The following FKBP15 variants were observed in gnomAD, a reference collection of about 807,000 sequenced individuals.
FKBP15 encodes the protein FK506-binding protein 15.
In FKBP15, 106 loss-of-function variants were observed where a neutral mutation model predicts 158.1. The observed-to-expected ratio is 0.67, with a 90% CI of 0.57 to 0.79. FKBP15 has a LOEUF of 0.79. FKBP15 is among the 30% of genes least tolerant of loss of function. The pLI, the probability that FKBP15 is intolerant of heterozygous loss-of-function variation, is 0.00. For synonymous variants in FKBP15, 547 were observed against 548.6 expected, an observed-to-expected ratio of 1.00 and a Z score of 0.04; for missense variants, 1,287 against 1,479.1, an observed-to-expected ratio of 0.87 and a Z score of 2.13.
chr9:113,187,456 C>G (rs536263542), intron 14 of FKBP15: 29 of 229,286 alleles, frequency 1.3e-4, no homozygotes, highest in Non-Finnish European at 1.1e-4. Flanking sequence ...AGAATGTTAG[C>G]CTGCCAACTT....
intron 20 of FKBP15, among the ~76,000 whole-genome samples, 170 bp from the exon 21 acceptor site, chr9:113,176,843 G>C (rs547256264): frequency 6.6e-6 from 1 of 152,224 alleles, no homozygotes; most frequent in South Asian, 2.1e-4. Flanking sequence ...CCATCTCCTG[G>C]GCTCAAGCAG....
rs1830954514 is a variant in FKBP15, at chr9:113,209,190, G to A, written c.170-1894C>T. Among the ~76,000 whole-genome samples, 3 of 152,138 alleles carry A rather than the reference G, an allele frequency of 2.0e-5. No homozygotes were observed. The South Asian group carries it at 6.2e-4, about 31-fold the overall frequency. On this transcript the variant is annotated intron_variant, in intron 2 of 27. Coordinates refer to ENST00000238256, the MANE Select transcript of FKBP15 (RefSeq NM_015258.2). ...TAAATAATCAAGTTAGCCAGGTGCA[G>A]TGGCCAGGAGTTCAAGGCCGTAGTG...
chr9:113,161,789 A>C lies in FKBP15; in HGVS notation c.*4289T>G. On this transcript the variant is annotated 3_prime_UTR_variant, in exon 28 of 28. Transcript: ENST00000238256. The stretch of plus-strand genomic sequence containing the variant: ...AGACAGCATTAGCCCCACTTCACAG[A>C]GAGGACAGCGAGGCCCAGGGAAGGA... 7.0e-7 allele frequency: 1 copy of C among 1,422,126 alleles called. No individual in the cohort carries two copies. The highest frequency in any genetic ancestry group is 9.8e-7 in the Non-Finnish European group (1 of 1,017,404). The allele number at this position is 1,422,126 out of a possible 1,614,324, so 88.1% of individuals were successfully genotyped here.
rs761203356 is a variant in FKBP15 at position 113,168,544 on chromosome 9, A to T, written c.3498T>A (p.Asp1166Glu). ...CCCCTTTAAACAGTTCATCCTCTTCATCCCCAGAGAGACTGAAGGAAAATC... is the reference window on the plus strand; with the variant it reads ...CCCCTTTAAACAGTTCATCCTCTTCTTCCCCAGAGAGACTGAAGGAAAATC... Reference protein sequence around the residue: ...HHSQRSSLSGDEEDELFKGAT... With the variant: ...HHSQRSSLSGEEEDELFKGAT... The change falls in exon 27 of 28, where the codon GAT (aspartate) becomes GAA (glutamate). Residue 1166 changes from aspartate (D) to glutamate (E), a missense_variant. Asp to Glu is a conservative substitution (Grantham distance 45). Coordinates refer to ENST00000238256, the MANE Select transcript of FKBP15 (RefSeq NM_015258.2). 1.9e-6 allele frequency: 3 copies of T among 1,613,814 alleles called. No homozygotes were observed. The highest frequency in any genetic ancestry group is 2.5e-6 in the Non-Finnish European group (3 of 1,179,752).
intron 25 of FKBP15, 131 bp downstream of exon 25, chr9:113,170,391 C>A (rs543226330): frequency 3.4e-5 from 24 of 706,460 alleles, no homozygotes; most frequent in Non-Finnish European, 5.9e-5. Context: ...CTTGGCCTCC[C>A]AAAATGCTGG....
At chr9:113,195,751 G>A (rs1830664952) in intron 9 of FKBP15, among the ~76,000 whole-genome samples, 1 of 152,100 alleles carries the variant, frequency 6.6e-6, no homozygotes, top group Non-Finnish European at 1.5e-5. Flanking sequence ...TTCTGGGCAG[G>A]GAACAGGTAG....
At chr9:113,189,575 C>T (rs117017600) in intron 12 of FKBP15, among the ~76,000 whole-genome samples, 650 of 152,150 alleles carry the variant, frequency 4.3e-3, no homozygotes, top group Non-Finnish European at 7.7e-3. Flanking sequence ...CAATAGGCCT[C>T]AGAAATCCTA....
rs1461390813 is a variant in FKBP15, at chr9:113,174,527, C to T, written c.2280G>A (p.Glu760=). Residue 760 remains glutamate, a synonymous_variant, in exon 22 of 28, where the codon GAG becomes GAA. Transcript: ENST00000238256. ...SAQERSQAEE[E]IDEIRKSYQE... ...GGTATGACTTGCGAATTTCATCTATCTCCTCCTCGGCCTGAGAACGCTCTT... is the reference window on the plus strand; with the variant it reads ...GGTATGACTTGCGAATTTCATCTATTTCCTCCTCGGCCTGAGAACGCTCTT... The T allele has an allele frequency of 6.2e-7, 1 of 1,614,010 alleles. No homozygotes were observed. The highest frequency in any genetic ancestry group is 1.7e-5 in the Admixed American group (1 of 60,024).
Position 113,190,645 on chromosome 9 carries a change from C to T in FKBP15, c.1066-67G>A, listed in dbSNP as rs1402875980. On this transcript the variant is annotated intron_variant, in intron 11 of 27. Coordinates refer to ENST00000238256, the MANE Select transcript of FKBP15 (RefSeq NM_015258.2). ...CTCATCACCTTCAGGCAGCTCTATCCCTTTGGCTCTTGTATCAAATCCTTC... is the reference window on the plus strand; with the variant it reads ...CTCATCACCTTCAGGCAGCTCTATCTCTTTGGCTCTTGTATCAAATCCTTC... 1.9e-5 allele frequency: 22 copies of T among 1,186,830 alleles called. 2 individuals carry two copies. The East Asian group carries it at 3.1e-4, about 17-fold the overall frequency. 73.5% of individuals were successfully genotyped at this position (1,186,830 alleles called of 1,614,324 possible).
chr9:113,187,556 T>G (rs1439057030), intron 14 of FKBP15: 4 of 496,924 alleles, frequency 8.0e-6, no homozygotes, highest in Non-Finnish European at 1.1e-5. Context: ...GATTGCATCT[T>G]TACTACGTTG....
intron 15 of FKBP15, among the ~76,000 whole-genome samples, chr9:113,185,790 CTT>C (rs1402419591): frequency 6.6e-6 from 1 of 152,140 alleles, no homozygotes; most frequent in Non-Finnish European, 1.5e-5. Flanking sequence ...ATAAAAGTCT[CTT>C]ATTTTCATAA....
At chr9:113,173,391 C>T in intron 23 of FKBP15, 62 bp downstream of exon 23, 2 of 1,562,666 alleles carry the variant, frequency 1.3e-6, no homozygotes, top group Non-Finnish European at 1.7e-6. Context: ...AGGACTCAAA[C>T]AGCCTGCTTG....
At chr9:113,218,358 T>C (rs1033362350) in intron 1 of FKBP15, among the ~76,000 whole-genome samples, 6 of 140,546 alleles carry the variant, frequency 4.3e-5, no homozygotes, top group East Asian at 2.1e-4. Context: ...TAGTACCTCA[T>C]AGAGAGGAGT....
At position 113,161,812 on chromosome 9, in the gene FKBP15, G is replaced by C. The variant is rs1830018495; in HGVS notation, c.*4266C>G. The C allele has an allele frequency of 3.3e-6, 4 of 1,216,096 alleles. No individual in the cohort carries two copies. In the African/African-American group the frequency reaches 5.9e-5, roughly 18 times the overall value. 75.3% of individuals were successfully genotyped at this position (1,216,096 alleles called of 1,614,324 possible). ...AGAGAGGACAGCGAGGCCCAGGGAAGGACCAGGACTTGCCAAAGTGGCTAC... is the reference window on the plus strand; with the variant it reads ...AGAGAGGACAGCGAGGCCCAGGGAACGACCAGGACTTGCCAAAGTGGCTAC... On this transcript the variant is annotated 3_prime_UTR_variant, in exon 28 of 28. Transcript: ENST00000238256.
In FKBP15 at chr9:113,169,629, G is replaced by T. The variant is rs972880334; in HGVS notation, c.3080C>A (p.Pro1027His). ...LSEIKDGSLP[P>H]ELSCIPSHRV... Reference sequence around the variant, plus strand: ...GTGGGATGGGATGCAAGACAGTTCGGGTGGAAGGGAACCATCTTTTATCTC... The same window carrying T: ...GTGGGATGGGATGCAAGACAGTTCGTGTGGAAGGGAACCATCTTTTATCTC... The change falls in exon 26 of 28, where the codon CCC becomes CAC. Residue 1027 changes from proline to histidine, a missense_variant. Physicochemically the swap from Pro to His is moderately conservative, Grantham distance 77 (BLOSUM62 -2). Coordinates refer to ENST00000238256, the MANE Select transcript of FKBP15 (RefSeq NM_015258.2). The T allele has an allele frequency of 6.2e-7, 1 of 1,613,894 alleles. No individual in the cohort carries two copies. The highest frequency in any genetic ancestry group is 8.5e-7 in the Non-Finnish European group (1 of 1,179,894).
chr9:113,166,229 C>G (rs374433508), intron 27 of FKBP15, 74 bp from the exon 28 acceptor site: 6 of 1,320,038 alleles, frequency 4.5e-6, no homozygotes, highest in East Asian at 2.5e-5. Context: ...TGAGTGGAAG[C>G]AATCCAACTT....
chr9:113,199,789 G>C, intron 7 of FKBP15, 25 bp downstream of exon 7: 4 of 1,603,346 alleles, frequency 2.5e-6, no homozygotes, highest in Non-Finnish European at 3.4e-6. Context: ...GTTTACAAAA[G>C]AACTTGCAGG....
Position 113,165,485 on chromosome 9 carries a change from G to A in FKBP15, c.*593C>T, listed in dbSNP as rs1484390676. 5 of 152,208 alleles carry A rather than the reference G, an allele frequency of 3.3e-5. No homozygotes were observed. The highest frequency in any genetic ancestry group is 7.3e-5 in the Non-Finnish European group (5 of 68,074). 9.4% of individuals were successfully genotyped at this position (152,208 alleles called of 1,614,324 possible). On this transcript the variant is annotated 3_prime_UTR_variant, in exon 28 of 28. Transcript: ENST00000238256. Reference sequence around the variant, plus strand: ...TCCCAAAAGAGCACAGACAGCCCTTGGAACCAAACTCAATTTTTCTCCAAG... The same window carrying A: ...TCCCAAAAGAGCACAGACAGCCCTTAGAACCAAACTCAATTTTTCTCCAAG...
At chr9:113,200,074 AC>A in intron 6 of FKBP15, 111 bp from the exon 7 acceptor site, 1 of 1,256,276 alleles carries the variant, frequency 8.0e-7, no homozygotes, top group Non-Finnish European at 1.1e-6. Context: ...AAAACAGATT[AC>A]ATGTTTAGAA....
Sources: allele counts gnomAD v4.1 joint callset (sites outside exome capture counted in the v4.1 genomes callset), GRCh38; gene constraint gnomAD v4.1.1; transcripts MANE v1.5; gene names NCBI Gene and HGNC (gene_info 2026-07-23, HGNC 2026-07-21).